The following NOTCH2 variants were observed in gnomAD, a reference collection of about 807,000 sequenced individuals.
NOTCH2 encodes notch receptor 2.
A neutral mutation model predicts 235.8 loss-of-function variants in NOTCH2; 29 were observed. The ratio of observed to expected loss-of-function variants is 0.12; its 90% confidence interval spans 0.09 to 0.17. The LOEUF is 0.17. NOTCH2 is among the 10% of genes least tolerant of loss of function. The pLI, the probability that NOTCH2 is intolerant of heterozygous loss-of-function variation, is 1.00. For missense variants in NOTCH2, 2,285 were observed against 3,150.2 expected (o/e 0.73, Z 6.57); for synonymous variants, 1,086 against 1,141.5 (o/e 0.95, Z 0.98).
chr1:120,026,950 CTT>C (rs4020864), intron 2 of NOTCH2, among the ~76,000 whole-genome samples: 6 of 96,916 alleles, frequency 6.2e-5, no homozygotes, highest in African/African-American at 2.4e-4. Context: ...GCTCCATTTT[CTT>C]TTTTTTTTTT....
At chr1:120,006,718 G>C (rs1390289552) in intron 2 of NOTCH2, among the ~76,000 whole-genome samples, 1 of 151,112 alleles carries the variant, frequency 6.6e-6, no homozygotes, top group African/African-American at 2.4e-5. Flanking sequence ...TTACCTCAAA[G>C]ATTACACATT....
At chr1:119,931,568 T>C (rs1213026730) in intron 22 of NOTCH2, among the ~76,000 whole-genome samples, 4 of 152,026 alleles carry the variant, frequency 2.6e-5, no homozygotes, top group African/African-American at 4.8e-5. Flanking sequence ...TATTGGTGAA[T>C]TAATAGAATA....
chr1:119,948,146 GT>G (rs2101113887), intron 17 of NOTCH2, among the ~76,000 whole-genome samples: 1 of 152,242 alleles, frequency 6.6e-6, no homozygotes, highest in African/African-American at 2.4e-5. Flanking sequence ...CAATAAATCT[GT>G]TTTTTAAAAA....
Position 119,966,358 on chromosome 1 carries a change from C to G in NOTCH2, c.1567+18G>C, listed in dbSNP as rs1651135776. On this transcript the variant is annotated intron_variant, in intron 9 of 33. Transcript: ENST00000256646. Reference sequence around the variant, plus strand: ...TTTGTGCTTTAAGAGAAAACAGGGCCAGGTCGTGGGCACTTACCAGGAGGA... The same window carrying G: ...TTTGTGCTTTAAGAGAAAACAGGGCGAGGTCGTGGGCACTTACCAGGAGGA... 9.6e-6 allele frequency: 15 copies of G among 1,559,940 alleles called. No individual in the cohort carries two copies. Among genetic ancestry groups the G allele is most frequent in the Middle Eastern group, 1.7e-4 (1 of 5,970 alleles).
chr1:120,000,099 C>G (rs1348035162), intron 3 of NOTCH2, among the ~76,000 whole-genome samples: 1 of 152,120 alleles, frequency 6.6e-6, no homozygotes, highest in Non-Finnish European at 1.5e-5. Flanking sequence ...TAGGCACTAA[C>G]TTGCTGCCTC....
At chr1:120,045,680 C>T (rs1272467894) in intron 1 of NOTCH2, among the ~76,000 whole-genome samples, 1 of 152,222 alleles carries the variant, frequency 6.6e-6, no homozygotes, top group African/African-American at 2.4e-5. Context: ...TCACATATAT[C>T]TTCTATCTTT....
chr1:119,961,589 T>G (rs1403163757), intron 11 of NOTCH2, among the ~76,000 whole-genome samples: 1 of 152,260 alleles, frequency 6.6e-6, no homozygotes, highest in East Asian at 1.9e-4. Flanking sequence ...AGGCTCTGGG[T>G]GCTTTCGCTA....
intron 17 of NOTCH2, among the ~76,000 whole-genome samples, chr1:119,947,226 CAA>C (rs1184406484): frequency 6.6e-6 from 1 of 152,018 alleles, no homozygotes; most frequent in African/African-American, 2.4e-5. Flanking sequence ...AAAAGAAAAT[CAA>C]AAGAGAAGCT....
At chr1:120,055,193 AGTATTTTG>A (rs1390811040) in intron 1 of NOTCH2, among the ~76,000 whole-genome samples, 1 of 70,366 alleles carries the variant, frequency 1.4e-5, no homozygotes, top group African/African-American at 5.7e-5. Flanking sequence ...AAACAAGTAA[AGTATTTTG>A]TCCCCAAGCA....
Position 119,997,468 on chromosome 1 carries a change from G to A in NOTCH2, c.416-136C>T. Reference sequence around the variant, plus strand: ...TTGCATTTTACAAAAGGCTAAATCAGAGCCTCCTCAAGGTAATCTGACACA... The same window carrying A: ...TTGCATTTTACAAAAGGCTAAATCAAAGCCTCCTCAAGGTAATCTGACACA... On this transcript the variant is annotated intron_variant, in intron 3 of 33. Transcript: ENST00000256646. 8 of 822,114 alleles carry A rather than the reference G, an allele frequency of 9.7e-6. No individual in the cohort carries two copies. In the South Asian group the frequency reaches 1.2e-4, roughly 13 times the overall value. The allele number at this position is 822,114 out of a possible 1,614,324, so 50.9% of individuals were successfully genotyped here. A position where few individuals can be genotyped will look rare whatever the true frequency, so the allele number is the denominator to read the frequency against.
chr1:119,974,507 A>G (rs587598660), intron 5 of NOTCH2, among the ~76,000 whole-genome samples: 12 of 152,308 alleles, frequency 7.9e-5, no homozygotes, highest in African/African-American at 2.9e-4. Context: ...GATACCTTAA[A>G]CACTGAGTGC....
chr1:119,930,071 C>T (rs1553194925), intron 22 of NOTCH2, among the ~76,000 whole-genome samples: 1 of 152,184 alleles, frequency 6.6e-6, no homozygotes, highest in Non-Finnish European at 1.5e-5. Context: ...GTAAGCCATA[C>T]TCTCTCTGTT....
intron 3 of NOTCH2, 145 bp downstream of exon 3, chr1:120,005,184 C>G: frequency 2.1e-6 from 2 of 946,196 alleles, no homozygotes; most frequent in Non-Finnish European, 3.4e-6. Context: ...GGATAGTTGT[C>G]TGGAACATCC....
At position 119,914,951 on chromosome 1, in the gene NOTCH2, T is replaced by C. The variant is rs191322273; in HGVS notation, c.*355A>G. The C allele has an allele frequency of 4.7e-6, 2 of 423,922 alleles. No homozygotes were observed. The highest frequency in any genetic ancestry group is 4.4e-6 in the Non-Finnish European group (1 of 228,192). 26.3% of individuals were successfully genotyped at this position (423,922 alleles called of 1,614,324 possible). ...CTAGTGTAGAATCTTCTCATGGATATGGCAGAAGCCTGCAGGGCTTAAAAT... is the reference window on the plus strand; with the variant it reads ...CTAGTGTAGAATCTTCTCATGGATACGGCAGAAGCCTGCAGGGCTTAAAAT... On this transcript the variant is annotated 3_prime_UTR_variant, in exon 34 of 34. Coordinates refer to ENST00000256646, the MANE Select transcript of NOTCH2 (RefSeq NM_024408.4).
intron 21 of NOTCH2, among the ~76,000 whole-genome samples, chr1:119,935,972 C>T (rs1343575388): frequency 5.9e-5 from 9 of 152,134 alleles, no homozygotes; most frequent in African/African-American, 9.7e-5. Flanking sequence ...CCCTATGACT[C>T]GGTCAAAAGG....
chr1:119,915,382 C>T lies in NOTCH2; in HGVS notation c.7340G>A (p.Gly2447Asp), dbSNP rs757543412. 1 of 1,614,010 alleles carries T rather than the reference C, an allele frequency of 6.2e-7. No individual in the cohort carries two copies. The highest frequency in any genetic ancestry group is 1.3e-5 in the African/African-American group (1 of 75,036). The stretch of plus-strand genomic sequence containing the variant: ...AGGTCCCCGCTGACCTCCTCCAGCA[C>T]CCCCAGGGGTAGGGCTGGTGGTCAC... ...SDVTTSPTPG[G>D]AGGGQRGPGT... Residue 2447 changes from glycine (G) to aspartate (D), a missense_variant, in exon 34 of 34, where the codon GGT (glycine) becomes GAT (aspartate). By Grantham distance (94) the Gly-to-Asp change is moderately conservative (BLOSUM62 -1). Around this residue, in one of 6 missense-constraint regions of NOTCH2, gnomAD observed 504 missense variants for 538.0 expected, o/e 0.94. Transcript: ENST00000256646.
intron 10 of NOTCH2, among the ~76,000 whole-genome samples, chr1:119,964,330 T>C (rs1162626149): frequency 6.6e-6 from 1 of 152,196 alleles, no homozygotes; most frequent in Non-Finnish European, 1.5e-5. Context: ...TATGAGAATT[T>C]AAAAGAAAAA....
At position 120,026,216 on chromosome 1, in the gene NOTCH2, AATC is replaced by A. The variant is rs1391969615; in HGVS notation, c.155+3687_155+3689del. ...AAGGATTTTTATAATTTCTATAAAC[AATC>A]ATTATATTTTAGCTGAATCAGTAGC... On this transcript the variant is annotated intron_variant, in intron 2 of 33. Coordinates refer to ENST00000256646, the MANE Select transcript of NOTCH2 (RefSeq NM_024408.4). Among the ~76,000 whole-genome samples, 15 of 144,200 alleles carry A rather than the reference AATC, an allele frequency of 1.0e-4. No homozygotes were observed. In the East Asian group the frequency reaches 3.2e-3, roughly 31 times the overall value. 94.6% of individuals were successfully genotyped at this position (144,200 alleles called of 152,430 possible).
At chr1:119,971,648 C>A (rs1275053231) in intron 5 of NOTCH2, among the ~76,000 whole-genome samples, 1 of 152,116 alleles carries the variant, frequency 6.6e-6, no homozygotes, top group East Asian at 1.9e-4. Flanking sequence ...ACTTGGGAGG[C>A]TGAAGTAGGA....
Sources: gnomAD v4.1 joint callset for allele counts (sites outside exome capture counted in the v4.1 genomes callset) on GRCh38, gnomAD v4.1.1 for gene constraint, gnomAD v4.1.1 regional missense constraint, MANE v1.5 for transcripts, NCBI Gene and HGNC (gene_info 2026-07-23, HGNC 2026-07-21) for gene names.